Variants in DIAPH3 observed in about 807,000 individuals in gnomAD.
The protein encoded by DIAPH3 is protein diaphanous homolog 3.
DIAPH3 carries 117 observed loss-of-function variants against 144.3 expected under a neutral mutation model. The ratio of observed to expected loss-of-function variants is 0.81; its 90% CI spans 0.70 to 0.95. DIAPH3 has a LOEUF of 0.95. Ranked by LOEUF, DIAPH3 falls within the 40% of genes least tolerant of loss-of-function variation. The pLI is 0.00. For synonymous variants in DIAPH3, 519 were observed against 488.9 expected, an observed-to-expected ratio of 1.06 and a Z score of -0.81; for missense variants, 1,421 against 1,412.7, an observed-to-expected ratio of 1.01 and a Z score of -0.09.
chr13:59,727,539 T>C (rs142734088), intron 27 of DIAPH3, among the ~76,000 whole-genome samples: 100 of 152,338 alleles, frequency 6.6e-4, no homozygotes, highest in African/African-American at 2.3e-3. Flanking sequence ...CCTCTCTGTG[T>C]CTAAAGTTCC....
At chr13:60,110,463 T>C (rs1465970076) in intron 3 of DIAPH3, among the ~76,000 whole-genome samples, 1 of 152,168 alleles carries the variant, frequency 6.6e-6, no homozygotes, top group East Asian at 1.9e-4. Flanking sequence ...AAAAATATGG[T>C]ACCCTGAGAA....
intron 4 of DIAPH3, among the ~76,000 whole-genome samples, chr13:60,067,090 G>A (rs575789274): frequency 1.3e-5 from 2 of 152,180 alleles, no homozygotes; most frequent in Non-Finnish European, 2.9e-5. Flanking sequence ...ACCAGCCTGG[G>A]CAACAAAATG....
intron 27 of DIAPH3, among the ~76,000 whole-genome samples, chr13:59,734,332 G>A (rs2036032594): frequency 6.6e-6 from 1 of 152,138 alleles, no homozygotes; most frequent in African/African-American, 2.4e-5. Flanking sequence ...GATATGAAAA[G>A]TGGGTCTAAT....
chr13:59,967,104 T>C (rs1448194215), intron 17 of DIAPH3, among the ~76,000 whole-genome samples: 2 of 152,180 alleles, frequency 1.3e-5, no homozygotes, highest in African/African-American at 4.8e-5. Flanking sequence ...TCTTACTCTG[T>C]TGCCCAGACT....
intron 2 of DIAPH3, among the ~76,000 whole-genome samples, chr13:60,121,508 G>A (rs1018141822): frequency 2.0e-5 from 3 of 152,150 alleles, no homozygotes; most frequent in African/African-American, 2.4e-5. Flanking sequence ...CAACAAGGAG[G>A]AACCAACAGG....
chr13:60,018,598 C>T (rs1257945482), intron 5 of DIAPH3, among the ~76,000 whole-genome samples: 1 of 152,092 alleles, frequency 6.6e-6, no homozygotes, highest in Non-Finnish European at 1.5e-5. Context: ...TATGCCTACT[C>T]ATGTATTTTA....
At chr13:59,987,979 T>G (rs1423925308) in intron 12 of DIAPH3, among the ~76,000 whole-genome samples, 2 of 151,826 alleles carry the variant, frequency 1.3e-5, no homozygotes, top group Non-Finnish European at 2.9e-5. Flanking sequence ...TTTAACATAC[T>G]TTTCCTCTCT....
At chr13:59,761,115 A>G (rs1248704419) in intron 27 of DIAPH3, among the ~76,000 whole-genome samples, 1 of 152,200 alleles carries the variant, frequency 6.6e-6, no homozygotes, top group Non-Finnish European at 1.5e-5. Flanking sequence ...TCTTGCTTCA[A>G]AAAATTTATA....
At chr13:59,730,638 T>C (rs368711052) in intron 27 of DIAPH3, among the ~76,000 whole-genome samples, 14 of 152,168 alleles carry the variant, frequency 9.2e-5, no homozygotes, top group Middle Eastern at 3.2e-3. Context: ...AAAAGTATAG[T>C]AGTAGTTGAG....
chr13:59,891,436 A>C (rs981608891), intron 20 of DIAPH3, among the ~76,000 whole-genome samples: 2 of 150,106 alleles, frequency 1.3e-5, no homozygotes, highest in Middle Eastern at 3.4e-3. Context: ...AAAAAACCCC[A>C]AAAATTATCA....
At chr13:60,036,554 A>G (rs1230578164) in intron 5 of DIAPH3, among the ~76,000 whole-genome samples, 4 of 152,112 alleles carry the variant, frequency 2.6e-5, no homozygotes, top group Non-Finnish European at 2.9e-5. Flanking sequence ...TATCAAAGAG[A>G]AAGGAAGAAA....
chr13:59,821,871 G>A (rs1322779027), intron 24 of DIAPH3, among the ~76,000 whole-genome samples: 3 of 152,118 alleles, frequency 2.0e-5, no homozygotes. Flanking sequence ...TTTTATGACC[G>A]TGAAACTTAT....
At chr13:59,715,287 G>A (rs576354077) in intron 27 of DIAPH3, among the ~76,000 whole-genome samples, 1 of 152,246 alleles carries the variant, frequency 6.6e-6, no homozygotes, top group East Asian at 1.9e-4. Flanking sequence ...GCACATGGTA[G>A]ACGATCAAAT....
intron 17 of DIAPH3, among the ~76,000 whole-genome samples, chr13:59,947,684 GATC>G (rs1040600311): frequency 2.3e-4 from 35 of 151,740 alleles, no homozygotes; most frequent in African/African-American, 8.2e-4. Context: ...AGTGAACTGA[GATC>G]ATGCCACTGC....
Position 59,729,810 on chromosome 13 carries a change from A to ATT in DIAPH3, c.3319+44377_3319+44378dup, listed in dbSNP as rs59987412. Among the ~76,000 whole-genome samples the ATT allele has an allele frequency of 3.6e-3, 477 of 134,230 alleles. 21 individuals carry two copies. Among genetic ancestry groups the ATT allele is most frequent in the African/African-American group, 0.014 (456 of 32,622 alleles). The allele number at this position is 134,230 out of a possible 152,430, so 88.1% of individuals were successfully genotyped here. A position where few individuals can be genotyped will look rare whatever the true frequency, so the allele number is the denominator to read the frequency against. ...TGTGACTTCCGGTGAATACATTAAT[A>ATT]TTTTTTTTTTTTTTTTTTTGAGATA... On this transcript the variant is annotated intron_variant, in intron 27 of 27. Coordinates refer to ENST00000400324, the MANE Select transcript of DIAPH3 (RefSeq NM_001042517.2).
Position 59,991,281 on chromosome 13 carries a change from T to C in DIAPH3, c.1245-7A>G, listed in dbSNP as rs761627030. ...GTAAACATCATATGCTTCAGTGAGT[T>C]GATTAAGGAATATATGGATTTATTT... On this transcript the variant is annotated splice_region_variant and splice_polypyrimidine_tract_variant and intron_variant, in intron 11 of 27. Transcript: ENST00000400324. 1 of 1,547,254 alleles carries C rather than the reference T, an allele frequency of 6.5e-7. No homozygotes were observed. The highest frequency in any genetic ancestry group is 2.3e-5 in the East Asian group (1 of 44,432).
chr13:60,065,010 A>C (rs2056901032), intron 4 of DIAPH3, among the ~76,000 whole-genome samples: 2 of 152,138 alleles, frequency 1.3e-5, no homozygotes, highest in Admixed American at 1.3e-4. Flanking sequence ...ACACTTATTA[A>C]CTTCACTTTC....
intron 21 of DIAPH3, among the ~76,000 whole-genome samples, chr13:59,866,705 C>T (rs1461680146): frequency 6.6e-6 from 1 of 152,032 alleles, no homozygotes; most frequent in African/African-American, 2.4e-5. Context: ...AAAAAGGTAT[C>T]TATAAAGTTT....
intron 5 of DIAPH3, among the ~76,000 whole-genome samples, chr13:60,023,924 C>T (rs1386487321): frequency 1.2e-4 from 16 of 128,080 alleles, no homozygotes; most frequent in South Asian, 2.8e-4. Flanking sequence ...GGCACAATCT[C>T]AGCTCATTGC....
Sources: gnomAD v4.1 joint callset for allele counts (sites outside exome capture counted in the v4.1 genomes callset) on GRCh38, gnomAD v4.1.1 for gene constraint, MANE v1.5 for transcripts, NCBI Gene and HGNC (gene_info 2026-07-23, HGNC 2026-07-21) for gene names.